The following HEMK2 variants were observed in gnomAD, a reference collection of about 807,000 sequenced individuals.
HEMK2 encodes HemK methyltransferase 2, ETF1 glutamine and histone H4 lysine.
At chr21:28,872,155 T>G in the HEMK2 span, 1 of 152,144 alleles carries the variant, frequency 6.6e-6, no homozygotes, top group Non-Finnish European at 1.5e-5. Context: ...GGTTATCACA[T>G]GACCAGAAAA....
At chr21:28,737,820 C>T in the HEMK2 span, among the ~76,000 whole-genome samples, 11 of 152,348 alleles carry the variant, frequency 7.2e-5, no homozygotes, top group Non-Finnish European at 1.3e-4. Context: ...CAAGCCAGGT[C>T]TGCCAGAACT....
chr21:28,880,572 G>C, the HEMK2 span, among the ~76,000 whole-genome samples: 1 of 151,968 alleles, frequency 6.6e-6, no homozygotes, highest in East Asian at 1.9e-4. Flanking sequence ...ATGAAACCCA[G>C]TCTCTACTAA....
chr21:28,841,345 T>C, the HEMK2 span, among the ~76,000 whole-genome samples: 1 of 18,818 alleles, frequency 5.3e-5, no homozygotes, highest in South Asian at 1.4e-3. Flanking sequence ...ATATATTATA[T>C]ATATAAATAT....
At chr21:28,597,020 T>C in the HEMK2 span, among the ~76,000 whole-genome samples, 19 of 152,328 alleles carry the variant, frequency 1.2e-4, no homozygotes, top group African/African-American at 4.6e-4. Context: ...AACTAGCCTA[T>C]TTTGATTCCT....
the HEMK2 span, among the ~76,000 whole-genome samples, chr21:28,881,822 G>A: frequency 6.6e-6 from 1 of 151,984 alleles, no homozygotes; most frequent in Non-Finnish European, 1.5e-5. Flanking sequence ...ATTTTTTGTA[G>A]AGACGAGTTC....
At chr21:28,607,584 A>G in the HEMK2 span, among the ~76,000 whole-genome samples, 19 of 152,214 alleles carry the variant, frequency 1.2e-4, no homozygotes, top group African/African-American at 4.6e-4. Context: ...CCTTCACTCT[A>G]GCCAACAGGT....
the HEMK2 span, among the ~76,000 whole-genome samples, chr21:28,598,598 G>A: frequency 6.6e-6 from 1 of 152,174 alleles, no homozygotes; most frequent in African/African-American, 2.4e-5. Context: ...TTATTTTAAT[G>A]TGTATCCTTT....
the HEMK2 span, among the ~76,000 whole-genome samples, chr21:28,757,386 T>C: frequency 6.6e-6 from 1 of 152,204 alleles, no homozygotes; most frequent in African/African-American, 2.4e-5. Context: ...AAGAAATATA[T>C]GTTAGATTTT....
chr21:28,851,031 T>C, the HEMK2 span, among the ~76,000 whole-genome samples: 2 of 152,124 alleles, frequency 1.3e-5, no homozygotes, highest in African/African-American at 4.8e-5. Context: ...ACCCCACCTA[T>C]GGCTAGATGG....
chr21:28,625,997 C>T, the HEMK2 span, among the ~76,000 whole-genome samples: 2 of 151,970 alleles, frequency 1.3e-5, no homozygotes, highest in Non-Finnish European at 2.9e-5. Flanking sequence ...GGCTATTCTC[C>T]AAGCTGTAGG....
chr21:28,732,852 CA>C, the HEMK2 span, among the ~76,000 whole-genome samples: 1 of 152,154 alleles, frequency 6.6e-6, no homozygotes, highest in Middle Eastern at 3.2e-3. Context: ...AGATGTCTTT[CA>C]AAATCCTCTG....
chr21:28,614,715 C>T, the HEMK2 span, among the ~76,000 whole-genome samples: 1 of 152,134 alleles, frequency 6.6e-6, no homozygotes, highest in African/African-American at 2.4e-5. Flanking sequence ...TAATAGATGA[C>T]ATCTGATTCA....
At chr21:28,857,815 T>C in the HEMK2 span, among the ~76,000 whole-genome samples, 1 of 152,164 alleles carries the variant, frequency 6.6e-6, no homozygotes, top group Non-Finnish European at 1.5e-5. Context: ...TTAAATCTAC[T>C]CTCTATGTTA....
the HEMK2 span, chr21:28,743,113 T>C: frequency 6.6e-6 from 1 of 152,128 alleles, no homozygotes; most frequent in South Asian, 2.1e-4. Flanking sequence ...AGTGGTGGAG[T>C]GTAGCAACAG....
the HEMK2 span, among the ~76,000 whole-genome samples, chr21:28,819,485 T>A: frequency 1.3e-5 from 2 of 151,902 alleles, no homozygotes; most frequent in Non-Finnish European, 2.9e-5. Context: ...CTGATTTTTC[T>A]AGTTAGTGGA....
the HEMK2 span, among the ~76,000 whole-genome samples, chr21:28,777,195 T>C: frequency 6.6e-6 from 1 of 152,218 alleles, no homozygotes; most frequent in Non-Finnish European, 1.5e-5. Context: ...GATATGGCAA[T>C]GAAGCAGCAA....
the HEMK2 span, among the ~76,000 whole-genome samples, chr21:28,642,501 T>C: frequency 6.6e-6 from 1 of 152,194 alleles, no homozygotes; most frequent in East Asian, 1.9e-4. Context: ...CTCTTTCAGC[T>C]CTGCTCTCTG....
At chr21:28,604,256 C>G in the HEMK2 span, among the ~76,000 whole-genome samples, 2 of 152,114 alleles carry the variant, frequency 1.3e-5, no homozygotes, top group Non-Finnish European at 2.9e-5. Context: ...ACACCAGGGC[C>G]TCTCAGGGAG....
At chr21:28,846,329 G>A in the HEMK2 span, among the ~76,000 whole-genome samples, 3 of 152,162 alleles carry the variant, frequency 2.0e-5, no homozygotes, top group African/African-American at 7.2e-5. Context: ...TGGGATTGCT[G>A]GGTCAACTGG....
Sources: gnomAD v4.1 joint callset for allele counts (sites outside exome capture counted in the v4.1 genomes callset) on GRCh38, gnomAD v4.1.1 for gene constraint, MANE v1.5 for transcripts, NCBI Gene and HGNC (gene_info 2026-07-23, HGNC 2026-07-21) for gene names.